Variants in KIF5C observed in about 807,000 individuals in gnomAD.
KIF5C encodes the protein kinesin family member 5C.
A neutral mutation model predicts 125.2 loss-of-function variants in KIF5C; 18 were observed. The observed-to-expected ratio is 0.14, with a 90% CI of 0.10 to 0.21. KIF5C has a LOEUF of 0.21. Ranked by LOEUF, KIF5C falls within the 10% of genes least tolerant of loss-of-function variation. KIF5C has a pLI of 1.00. For synonymous variants in KIF5C, 405 were observed against 434.0 expected, an observed-to-expected ratio of 0.93 and a Z score of 0.83; for missense variants, 780 against 1,183.8, an observed-to-expected ratio of 0.66 and a Z score of 5.01.
At chr2:148,997,131 A>G in intron 17 of KIF5C, 133 bp from the exon 18 acceptor site, 5 of 1,393,328 alleles carry the variant, frequency 3.6e-6, no homozygotes, top group Non-Finnish European at 2.9e-6. Flanking sequence ...CCTTTATGCC[A>G]TGGTTGTAAT....
chr2:148,893,808 A>T lies in KIF5C; in HGVS notation c.126+18065A>T, dbSNP rs542451685. 3.3e-5 allele frequency among the ~76,000 whole-genome samples: 5 copies of T among 152,346 alleles called. No individual in the cohort carries two copies. The East Asian group carries it at 7.7e-4, about 23-fold the overall frequency. ...CATTCTCATTTTCATGATTATTTTTAGTCTCATTACCTCCCTACATCCCAT... is the reference window on the plus strand; with the variant it reads ...CATTCTCATTTTCATGATTATTTTTTGTCTCATTACCTCCCTACATCCCAT... On this transcript the variant is annotated intron_variant, in intron 1 of 25. Transcript: ENST00000435030.
At position 148,981,405 on chromosome 2, in the gene KIF5C, A is replaced by C. The variant is rs544027701; in HGVS notation, c.1413A>C (p.Thr471=). 5.0e-5 allele frequency: 81 copies of C among 1,611,256 alleles called. No individual in the cohort carries two copies. The highest frequency in any genetic ancestry group is 6.7e-5 in the Non-Finnish European group (79 of 1,178,856). The change falls in exon 14 of 26, where the codon ACA becomes ACC. Residue 471 remains threonine (T), a synonymous_variant. Transcript: ENST00000435030. Reference sequence around the variant, plus strand: ...ATGAGAAGATACAGGAGGAGCTGACACGTCTCCAGATTGAAAATGAGGCAG... The same window carrying C: ...ATGAGAAGATACAGGAGGAGCTGACCCGTCTCCAGATTGAAAATGAGGCAG... ...RDYEKIQEEL[T]RLQIENEAAK... is the part of the protein sequence containing the mutation.
At chr2:148,880,436 A>G (rs181050377) in intron 1 of KIF5C, among the ~76,000 whole-genome samples, 1 of 152,314 alleles carries the variant, frequency 6.6e-6, no homozygotes, top group Non-Finnish European at 1.5e-5. Flanking sequence ...CCAGTTTGGT[A>G]TGATTATGAA....
At position 148,875,594 on chromosome 2, in the gene KIF5C, G is replaced by A; in HGVS notation, c.-24G>A. On this transcript the variant is annotated 5_prime_UTR_variant, in exon 1 of 26. Transcript: ENST00000435030. ...GCCCCGGCCCCCCACCCATCCCCGT[G>A]CCCCCTCCCTACCGCCGGCCGAGAT... 9.1e-6 allele frequency: 5 copies of A among 550,744 alleles called. No homozygotes were observed. Among genetic ancestry groups the A allele is most frequent in the South Asian group, 3.2e-5 (2 of 61,784 alleles). 34.1% of individuals were successfully genotyped at this position (550,744 alleles called of 1,614,324 possible). A position where few individuals can be genotyped will look rare whatever the true frequency, so the allele number is the denominator to read the frequency against.
At chr2:148,877,589 AC>A (rs1019931234) in intron 1 of KIF5C, among the ~76,000 whole-genome samples, 2 of 152,348 alleles carry the variant, frequency 1.3e-5, no homozygotes, top group African/African-American at 4.8e-5. Context: ...AGTGGGAGTT[AC>A]TGGGGACATC....
At chr2:148,877,071 GC>G (rs1681214751) in intron 1 of KIF5C, among the ~76,000 whole-genome samples, 3 of 152,216 alleles carry the variant, frequency 2.0e-5, no homozygotes, top group Admixed American at 2.0e-4. Flanking sequence ...ACGTTTTCCA[GC>G]CCGGGCGGTC....
chr2:148,918,398 G>A (rs1238127367), intron 1 of KIF5C, among the ~76,000 whole-genome samples: 1 of 152,186 alleles, frequency 6.6e-6, no homozygotes, highest in Non-Finnish European at 1.5e-5. Context: ...TGCTATAATT[G>A]TAGTGGTTAA....
At chr2:148,946,532 A>G (rs143439001) in intron 7 of KIF5C, among the ~76,000 whole-genome samples, 220 of 152,334 alleles carry the variant, frequency 1.4e-3, no homozygotes, top group African/African-American at 5.0e-3. Context: ...ATTAATCATG[A>G]TGAAGTCTGA....
intron 25 of KIF5C, among the ~76,000 whole-genome samples, chr2:149,018,290 A>G (rs539130339): frequency 3.5e-4 from 53 of 152,172 alleles, no homozygotes; most frequent in Non-Finnish European, 6.5e-4. Context: ...TTCTACCTCA[A>G]AAATAAATAA....
At chr2:148,889,172 C>A (rs574175146) in intron 1 of KIF5C, among the ~76,000 whole-genome samples, 1 of 152,340 alleles carries the variant, frequency 6.6e-6, no homozygotes, top group African/African-American at 2.4e-5. Flanking sequence ...CTGATTCCTA[C>A]AACCATCAGG....
chr2:149,025,157 T>C lies in KIF5C; in HGVS notation c.*2087T>C, dbSNP rs1329658736. Reference sequence around the variant, plus strand: ...AAAGAATTGCTTGGCACTTTCATGTTTCAAAGGGAAACATTCGCTTGTAGT... The same window carrying C: ...AAAGAATTGCTTGGCACTTTCATGTCTCAAAGGGAAACATTCGCTTGTAGT... On this transcript the variant is annotated 3_prime_UTR_variant, in exon 26 of 26. Transcript: ENST00000435030. The C allele has an allele frequency of 6.6e-6, 1 of 152,648 alleles. No homozygotes were observed. The highest frequency in any genetic ancestry group is 1.9e-4 in the East Asian group (1 of 5,198). The allele number at this position is 152,648 out of a possible 1,614,324, so 9.5% of individuals were successfully genotyped here.
At chr2:149,022,891 C>G (rs1047100903) in intron 25 of KIF5C, among the ~76,000 whole-genome samples, 187 bp from the exon 26 acceptor site, 14 of 151,988 alleles carry the variant, frequency 9.2e-5, no homozygotes, top group African/African-American at 3.4e-4. Flanking sequence ...GCCACTGCAC[C>G]CCAGCCTGGG....
At chr2:148,949,818 G>A in intron 8 of KIF5C, 21 bp from the exon 9 acceptor site, 1 of 1,612,348 alleles carries the variant, frequency 6.2e-7, no homozygotes. Context: ...GCTGCTCACT[G>A]CTTTCTTTTC....
chr2:148,899,702 CAAAAAAAAAAAAAAAAA>C (rs771196518), intron 1 of KIF5C, among the ~76,000 whole-genome samples: 5 of 46,072 alleles, frequency 1.1e-4, no homozygotes, highest in Non-Finnish European at 2.3e-4. Context: ...AACTCCATCT[CAAAAAAAAAAAAAAAAA>C]AAAAAAGAAA....
In KIF5C at chr2:148,876,702, G is replaced by A. The variant is rs536846159; in HGVS notation, c.126+959G>A. On this transcript the variant is annotated intron_variant, in intron 1 of 25. Transcript: ENST00000435030. This position sits in a 1 kb window ranked among gnomAD's most constrained non-coding sequence, Gnocchi z 4.7. ...CACCAATGGATTGTAGTTCTTAAAG[G>A]AATCTGTCAGATGAAACAAACCAGC... is the stretch of plus-strand genomic sequence containing the variant. Among the ~76,000 whole-genome samples, 35 of 152,262 alleles carry A rather than the reference G, an allele frequency of 2.3e-4. 1 individual carries two copies. The East Asian group carries it at 6.8e-3, about 30-fold the overall frequency.
intron 14 of KIF5C, among the ~76,000 whole-genome samples, chr2:148,983,118 G>C (rs1182282865): frequency 6.6e-6 from 1 of 150,782 alleles, no homozygotes; most frequent in East Asian, 1.9e-4. Context: ...TTTTTTTTTT[G>C]AAGTTGTTTT....
intron 17 of KIF5C, among the ~76,000 whole-genome samples, chr2:148,994,998 G>GGA (rs563742209): frequency 8.2e-4 from 125 of 152,136 alleles, no homozygotes; most frequent in Non-Finnish European, 1.5e-3. Flanking sequence ...CAGCCTAAAA[G>GGA]GAGAGATTTC....
At chr2:148,908,091 C>T (rs986802498) in intron 1 of KIF5C, among the ~76,000 whole-genome samples, 10 of 152,230 alleles carry the variant, frequency 6.6e-5, no homozygotes, top group Non-Finnish European at 1.0e-4. Flanking sequence ...CCACAAACAC[C>T]AATGTGGAAT....
At chr2:148,881,167 G>A (rs983958514) in intron 1 of KIF5C, among the ~76,000 whole-genome samples, 1 of 151,982 alleles carries the variant, frequency 6.6e-6, no homozygotes, top group South Asian at 2.1e-4. Flanking sequence ...GTCAACATTA[G>A]CTTTGGCCCC....
Sources: allele counts gnomAD v4.1 joint callset (sites outside exome capture counted in the v4.1 genomes callset), GRCh38; gene constraint gnomAD v4.1.1; non-coding constraint Gnocchi (gnomAD v3.1); transcripts MANE v1.5; gene names NCBI Gene and HGNC (gene_info 2026-07-23, HGNC 2026-07-21).